SPATA6: variants seen among roughly 807,000 people sequenced by gnomAD.
SPATA6 encodes the protein spermatogenesis associated 6.
In SPATA6, 56 loss-of-function variants were observed where a neutral mutation model predicts 65.3. The observed-to-expected ratio is 0.86, with a 90% confidence interval of 0.69 to 1.07. The LOEUF (loss-of-function observed/expected upper bound fraction) is 1.07, where lower values mean the gene tolerates loss of function less well. SPATA6 is among the 50% of genes least tolerant of loss of function. SPATA6 has a pLI of 0.00. For synonymous variants in SPATA6, 199 were observed against 213.2 expected (o/e 0.93, Z 0.58); for missense variants, 590 against 594.8 (o/e 0.99, Z 0.08).
intron 9 of SPATA6, among the ~76,000 whole-genome samples, chr1:48,375,693 C>T (rs1421710972): frequency 6.6e-6 from 1 of 152,138 alleles, no homozygotes; most frequent in Non-Finnish European, 1.5e-5. Context: ...ATTTGACCAA[C>T]ACCGCCAGAC....
intron 9 of SPATA6, among the ~76,000 whole-genome samples, chr1:48,366,958 C>G (rs527381989): frequency 3.3e-5 from 5 of 152,130 alleles, no homozygotes; most frequent in Non-Finnish European, 7.3e-5. Context: ...CCTCTACACA[C>G]TGCTTTGAAT....
At chr1:48,394,132 C>T (rs184021007) in intron 8 of SPATA6, among the ~76,000 whole-genome samples, 2 of 152,082 alleles carry the variant, frequency 1.3e-5, no homozygotes, top group Non-Finnish European at 2.9e-5. Context: ...ATCCTTTGTA[C>T]TACTATTACT....
At chr1:48,375,028 G>A (rs374746180) in intron 9 of SPATA6, among the ~76,000 whole-genome samples, 4 of 152,136 alleles carry the variant, frequency 2.6e-5, no homozygotes, top group African/African-American at 7.2e-5. Context: ...GACAATCCTA[G>A]AAGTCCAATA....
chr1:48,402,766 G>A (rs1250861982), intron 6 of SPATA6: 1 of 152,046 alleles, frequency 6.6e-6, no homozygotes, highest in East Asian at 1.9e-4. Flanking sequence ...CATATTATTG[G>A]CTCTTCATCA....
At chr1:48,376,870 AATG>A (rs1647976721) in intron 9 of SPATA6, among the ~76,000 whole-genome samples, 1 of 152,180 alleles carries the variant, frequency 6.6e-6, no homozygotes, top group Admixed American at 6.5e-5. Context: ...ATTTTAACAG[AATG>A]ATAAGGATTT....
At chr1:48,267,469 G>A in the SPATA6 span, among the ~76,000 whole-genome samples, 4 of 152,268 alleles carry the variant, frequency 2.6e-5, no homozygotes, top group African/African-American at 9.6e-5. Flanking sequence ...AAGTTTTACT[G>A]AAGGATGGAG....
At chr1:48,466,684 T>C (rs748177117) in intron 1 of SPATA6, among the ~76,000 whole-genome samples, 4 of 152,148 alleles carry the variant, frequency 2.6e-5, no homozygotes, top group Non-Finnish European at 4.4e-5. Context: ...TTTGAACTAT[T>C]TTATAGTTAA....
At chr1:48,350,045 G>A (rs1646474026) in intron 11 of SPATA6, among the ~76,000 whole-genome samples, 1 of 151,802 alleles carries the variant, frequency 6.6e-6, no homozygotes, top group South Asian at 2.1e-4. Context: ...GTCTTATATA[G>A]TGGCTATACC....
At chr1:48,335,618 A>G (rs1014231839) in intron 11 of SPATA6, among the ~76,000 whole-genome samples, 2 of 152,164 alleles carry the variant, frequency 1.3e-5, no homozygotes, top group African/African-American at 4.8e-5. Flanking sequence ...CTTAAAACAT[A>G]TGCAAAAATC....
chr1:48,305,982 A>T, intron 11 of SPATA6, 104 bp from the exon 12 acceptor site: 3 of 799,332 alleles, frequency 3.8e-6, no homozygotes, highest in African/African-American at 1.8e-5. Flanking sequence ...ATAAATTTTA[A>T]TTCATAAGAA....
intron 12 of SPATA6, 61 bp downstream of exon 12, chr1:48,305,726 A>G (rs1164863684): frequency 1.4e-5 from 18 of 1,244,638 alleles, no homozygotes; most frequent in African/African-American, 3.1e-5. Context: ...AATTCAGCAT[A>G]TTATAAAACA....
At chr1:48,264,362 T>C in the SPATA6 span, among the ~76,000 whole-genome samples, 2 of 152,188 alleles carry the variant, frequency 1.3e-5, no homozygotes, top group African/African-American at 2.4e-5. Context: ...ACTCTAACCA[T>C]ATTAAAAATC....
chr1:48,470,877 T>C (rs1329728168), intron 1 of SPATA6, among the ~76,000 whole-genome samples: 1 of 151,862 alleles, frequency 6.6e-6, no homozygotes, highest in East Asian at 1.9e-4. Flanking sequence ...CAGAAGGCAA[T>C]ATACATAAGA....
intron 3 of SPATA6, among the ~76,000 whole-genome samples, chr1:48,425,494 A>G (rs1443959836): frequency 2.0e-5 from 3 of 152,316 alleles, no homozygotes; most frequent in African/African-American, 7.2e-5. Flanking sequence ...TTTAGTATAC[A>G]AAGACTAGCT....
chr1:48,265,040 C>G, the SPATA6 span, among the ~76,000 whole-genome samples: 2 of 152,164 alleles, frequency 1.3e-5, no homozygotes, highest in African/African-American at 4.8e-5. Context: ...CCTCTTCTGA[C>G]AAAATCATCC....
chr1:48,431,702 G>A (rs1361567547), intron 3 of SPATA6, among the ~76,000 whole-genome samples: 3 of 152,034 alleles, frequency 2.0e-5, no homozygotes, highest in Admixed American at 6.5e-5. Context: ...AAATCATGAA[G>A]GAAATTAGAA....
chr1:48,340,815 G>A (rs1322823611), intron 11 of SPATA6, among the ~76,000 whole-genome samples: 3 of 151,994 alleles, frequency 2.0e-5, no homozygotes, highest in Admixed American at 6.6e-5. Flanking sequence ...GTAAAAGGAC[G>A]AAAAAGAAAT....
rs543427306 is a variant in SPATA6, at chr1:48,435,874, G to C, written c.238+15678C>G. 2.2e-4 allele frequency: 282 copies of C among 1,306,262 alleles called. No individual in the cohort carries two copies. In the African/African-American group the frequency reaches 3.8e-3, roughly 18 times the overall value. The allele number at this position is 1,306,262 out of a possible 1,614,324, so 80.9% of individuals were successfully genotyped here. ...CGCTGGCCATGGTCGCTGCTAGGTA[G>C]GATATATCTGCATCTTGAAAGGAAG... On this transcript the variant is annotated intron_variant, in intron 3 of 12. Coordinates refer to ENST00000371847, the MANE Select transcript of SPATA6 (RefSeq NM_019073.4).
chr1:48,467,082 C>T (rs567939532), intron 1 of SPATA6, among the ~76,000 whole-genome samples: 13 of 152,100 alleles, frequency 8.5e-5, no homozygotes, highest in African/African-American at 2.9e-4. Context: ...TCTTTTGATG[C>T]TCTTTAAAAA....
Sources: allele counts gnomAD v4.1 joint callset (sites outside exome capture counted in the v4.1 genomes callset), GRCh38; gene constraint gnomAD v4.1.1; transcripts MANE v1.5; gene names NCBI Gene and HGNC (gene_info 2026-07-23, HGNC 2026-07-21).